The following KHDRBS2 variants were observed in gnomAD, a reference collection of about 807,000 sequenced individuals.
KHDRBS2 encodes the protein KH RNA binding domain containing, signal transduction associated 2, also known as KH domain-containing, RNA-binding, signal transduction-associated protein 2.
A neutral mutation model predicts 44.3 loss-of-function variants in KHDRBS2; 26 were observed. The observed-to-expected ratio is 0.59, with a 90% CI of 0.43 to 0.81. The LOEUF (loss-of-function observed/expected upper bound fraction) is 0.81, where lower values mean the gene tolerates loss of function less well. Ranked by LOEUF, KHDRBS2 falls within the 40% of genes least tolerant of loss-of-function variation. The probability of loss-of-function intolerance (pLI) is 0.00; values close to 1 mark genes in which losing one functional copy is unlikely to be tolerated. For synonymous variants in KHDRBS2, 194 were observed against 151.1 expected, an observed-to-expected ratio of 1.28 and a Z score of -2.08; for missense variants, 476 against 433.1, an observed-to-expected ratio of 1.10 and a Z score of -0.88.
chr6:61,546,548 T>C, the KHDRBS2 span, among the ~76,000 whole-genome samples: 1 of 152,140 alleles, frequency 6.6e-6, no homozygotes, highest in Non-Finnish European at 1.5e-5. Context: ...CATCTTCAAT[T>C]TCTAAAGACA....
At chr6:61,937,578 C>T (rs9445669) in intron 4 of KHDRBS2, among the ~76,000 whole-genome samples, 3,353 of 152,044 alleles carry the variant, frequency 0.022, 133 homozygotes, top group African/African-American at 0.077. Flanking sequence ...ATATGAGTAT[C>T]GGGCAGGAAT....
chr6:61,546,522 C>A, the KHDRBS2 span, among the ~76,000 whole-genome samples: 1 of 152,016 alleles, frequency 6.6e-6, no homozygotes, highest in African/African-American at 2.4e-5. Context: ...TGGCATATTT[C>A]TAGTCACAAA....
intron 3 of KHDRBS2, among the ~76,000 whole-genome samples, chr6:61,982,407 C>G (rs1419385971): frequency 6.6e-6 from 1 of 152,074 alleles, no homozygotes; most frequent in African/African-American, 2.4e-5. Context: ...CGCGGTGGCT[C>G]ACGCCTGTAA....
At chr6:61,671,330 A>C in the KHDRBS2 span, among the ~76,000 whole-genome samples, 1 of 151,634 alleles carries the variant, frequency 6.6e-6, no homozygotes, top group Non-Finnish European at 1.5e-5. Flanking sequence ...GTGTTCAGTA[A>C]CTAGTTGCCA....
intron 6 of KHDRBS2, among the ~76,000 whole-genome samples, chr6:61,750,480 T>G (rs1186256003): frequency 2.0e-5 from 3 of 152,182 alleles, no homozygotes; most frequent in Non-Finnish European, 2.9e-5. Context: ...TTTCTGAAAT[T>G]CTGCTGTTCT....
intron 8 of KHDRBS2, among the ~76,000 whole-genome samples, chr6:61,692,523 TA>T (rs1767483679): frequency 6.6e-6 from 1 of 152,072 alleles, no homozygotes; most frequent in Non-Finnish European, 1.5e-5. Flanking sequence ...TTAACTGTGA[TA>T]AAACCTAAAA....
intron 2 of KHDRBS2, among the ~76,000 whole-genome samples, chr6:62,131,040 T>C (rs1810179931): frequency 6.6e-6 from 1 of 152,106 alleles, no homozygotes; most frequent in South Asian, 2.1e-4. Flanking sequence ...TTAACATTAT[T>C]ATTTTAAGAA....
chr6:62,020,403 G>T (rs752944138), intron 3 of KHDRBS2, among the ~76,000 whole-genome samples: 1 of 151,934 alleles, frequency 6.6e-6, no homozygotes, highest in African/African-American at 2.4e-5. Flanking sequence ...CTTGAGAAAA[G>T]AATGTATATT....
chr6:62,067,293 T>C (rs1793956576), intron 2 of KHDRBS2, among the ~76,000 whole-genome samples: 1 of 151,612 alleles, frequency 6.6e-6, no homozygotes, highest in Non-Finnish European at 1.5e-5. Flanking sequence ...TATTAGAAAC[T>C]AGTAAAGGTA....
At chr6:61,721,625 A>C (rs1479908839) in intron 7 of KHDRBS2, among the ~76,000 whole-genome samples, 1 of 125,362 alleles carries the variant, frequency 8.0e-6, no homozygotes, top group East Asian at 2.6e-4. Context: ...TTATACATTG[A>C]TTTTGTATCC....
chr6:62,111,242 A>T (rs1320580588), intron 2 of KHDRBS2, among the ~76,000 whole-genome samples: 1 of 152,114 alleles, frequency 6.6e-6, no homozygotes, highest in East Asian at 1.9e-4. Flanking sequence ...ATGTATTAAC[A>T]CTTCCCTTAG....
chr6:62,006,863 T>C (rs1161227063), intron 3 of KHDRBS2, among the ~76,000 whole-genome samples: 1 of 151,954 alleles, frequency 6.6e-6, no homozygotes, highest in African/African-American at 2.4e-5. Context: ...TCAATAAACA[T>C]AAATAAAATA....
the KHDRBS2 span, among the ~76,000 whole-genome samples, chr6:61,626,171 A>T: frequency 6.6e-6 from 1 of 152,224 alleles, no homozygotes; most frequent in Non-Finnish European, 1.5e-5. Context: ...AGCTCTGATC[A>T]TTCAAAGGTT....
the KHDRBS2 span, among the ~76,000 whole-genome samples, chr6:61,545,171 C>T: frequency 6.6e-6 from 1 of 151,986 alleles, no homozygotes; most frequent in African/African-American, 2.4e-5. Flanking sequence ...TGGGGCTGGG[C>T]ATGGTGGTTC....
At chr6:61,742,649 C>A (rs1309398344) in intron 6 of KHDRBS2, among the ~76,000 whole-genome samples, 1 of 151,966 alleles carries the variant, frequency 6.6e-6, no homozygotes, top group East Asian at 1.9e-4. Context: ...GATGATATGG[C>A]AATGGTTACT....
chr6:61,558,020 T>C, the KHDRBS2 span, among the ~76,000 whole-genome samples: 1 of 152,174 alleles, frequency 6.6e-6, no homozygotes, highest in Non-Finnish European at 1.5e-5. Flanking sequence ...TTGGGTCTTT[T>C]CTCTTTCTTA....
At chr6:62,174,914 C>T (rs1455512976) in intron 2 of KHDRBS2, among the ~76,000 whole-genome samples, 2 of 151,688 alleles carry the variant, frequency 1.3e-5, no homozygotes, top group South Asian at 2.1e-4. Flanking sequence ...ACATATTTTA[C>T]AGATCATAAA....
chr6:62,050,721 T>C (rs902079007), intron 2 of KHDRBS2, among the ~76,000 whole-genome samples: 2 of 152,010 alleles, frequency 1.3e-5, no homozygotes, highest in African/African-American at 4.8e-5. Context: ...AGTAGTATCA[T>C]TTTAAGACTG....
At chr6:61,721,102 T>G (rs1212866266) in intron 7 of KHDRBS2, among the ~76,000 whole-genome samples, 1 of 151,926 alleles carries the variant, frequency 6.6e-6, no homozygotes, top group African/African-American at 2.4e-5. Flanking sequence ...TATGCGGCAT[T>G]ATTTCTGAGG....
Sources: gnomAD v4.1 joint callset for allele counts (sites outside exome capture counted in the v4.1 genomes callset) on GRCh38, gnomAD v4.1.1 for gene constraint, MANE v1.5 for transcripts, NCBI Gene and HGNC (gene_info 2026-07-23, HGNC 2026-07-21) for gene names.